SOX6: variants seen among roughly 807,000 people sequenced by gnomAD.
SOX6 encodes the protein SRY-box transcription factor 6.
In SOX6, 11 loss-of-function variants were observed where a neutral mutation model predicts 97.8. That is an observed-to-expected ratio of 0.11 (90% CI 0.07 to 0.19). The LOEUF (loss-of-function observed/expected upper bound fraction) is 0.19. Ranked by LOEUF, SOX6 falls within the 10% of genes least tolerant of loss-of-function variation. SOX6 has a pLI of 1.00. For missense variants in SOX6, 810 were observed against 1,039.5 expected (o/e 0.78, Z 3.04); for synonymous variants, 360 against 371.4 (o/e 0.97, Z 0.35).
intron 4 of SOX6, among the ~76,000 whole-genome samples, chr11:16,554,604 T>C (rs1294258902): frequency 6.6e-6 from 1 of 152,122 alleles, no homozygotes; most frequent in African/African-American, 2.4e-5. Flanking sequence ...TCCCAAAAAT[T>C]ACTCAAAACC....
At chr11:16,318,387 T>A (rs1855813946) in intron 3 of SOX6, 59 bp downstream of exon 3, 12 of 1,537,038 alleles carry the variant, frequency 7.8e-6, no homozygotes, top group Admixed American at 5.1e-5. Context: ...TTTTTTTTTT[T>A]AAGGCCTGGA....
chr11:16,697,099 T>C (rs956053223), intron 3 of SOX6, among the ~76,000 whole-genome samples: 1 of 152,212 alleles, frequency 6.6e-6, no homozygotes, highest in Admixed American at 6.5e-5. Context: ...AGTTGTATTG[T>C]GACACTGTAA....
chr11:16,600,481 T>A (rs551576442), intron 4 of SOX6, among the ~76,000 whole-genome samples: 8 of 152,330 alleles, frequency 5.3e-5, no homozygotes, highest in African/African-American at 1.9e-4. Context: ...ATGTTCCCTT[T>A]TTTAAGACTA....
At chr11:16,466,963 T>C (rs1357241231) in intron 1 of SOX6, among the ~76,000 whole-genome samples, 2 of 132,406 alleles carry the variant, frequency 1.5e-5, no homozygotes, top group African/African-American at 2.9e-5. Context: ...AACAACTCCA[T>C]GAAAAAGTGG....
chr11:16,435,674 C>G (rs1446865129), intron 1 of SOX6, among the ~76,000 whole-genome samples: 1 of 151,926 alleles, frequency 6.6e-6, no homozygotes, highest in Admixed American at 6.6e-5. Context: ...GTTGATGGTA[C>G]TTTGTTACAG....
chr11:16,395,430 A>G (rs58769283), intron 1 of SOX6, among the ~76,000 whole-genome samples: 6,369 of 151,864 alleles, frequency 0.042, 425 homozygotes, highest in African/African-American at 0.14. Flanking sequence ...TCTGATGAAG[A>G]GTGGAAACAG....
At position 16,234,601 on chromosome 11, in the gene SOX6, T is replaced by G. The variant is rs1317627649; in HGVS notation, c.516A>C (p.Glu172Asp). 1 of 1,592,048 alleles carries G rather than the reference T, an allele frequency of 6.3e-7. No individual in the cohort carries two copies. Among genetic ancestry groups the G allele is most frequent in the Non-Finnish European group, 8.6e-7 (1 of 1,163,030 alleles). The change falls in exon 4 of 16, where the codon GAA becomes GAC. Residue 172 changes from glutamate (E) to aspartate (D), a missense_variant. Glu to Asp is a conservative substitution (Grantham distance 45). Around this residue, in one of 9 missense-constraint regions of SOX6, gnomAD observed 110 missense variants for 119.0 expected, o/e 0.92. Coordinates refer to ENST00000683767, the MANE Select transcript of SOX6 (RefSeq NM_001367873.1). Reference sequence around the variant, plus strand: ...TTGTACCTTTAATTTCTCCAAGAAGTTCACTGGTATTTAGTCTTTCCATTT... The same window carrying G: ...TTGTACCTTTAATTTCTCCAAGAAGGTCACTGGTATTTAGTCTTTCCATTT... The part of the protein sequence containing the change: ...KEKMERLNTS[E>D]LLGEIKGTPE...
intron 3 of SOX6, among the ~76,000 whole-genome samples, chr11:16,280,229 T>C (rs1428155543): frequency 1.3e-5 from 2 of 152,122 alleles, no homozygotes; most frequent in East Asian, 1.9e-4. Flanking sequence ...CCAAAAATGA[T>C]ATCAAATTTG....
intron 4 of SOX6, among the ~76,000 whole-genome samples, chr11:16,187,735 G>T (rs146998464): frequency 1.3e-5 from 2 of 152,288 alleles, no homozygotes; most frequent in East Asian, 3.9e-4. Flanking sequence ...AACACTTATG[G>T]TATGCACTAA....
intron 4 of SOX6, among the ~76,000 whole-genome samples, chr11:16,522,248 C>G (rs1416126151): frequency 6.6e-6 from 1 of 152,078 alleles, no homozygotes; most frequent in Non-Finnish European, 1.5e-5. Context: ...GGGTTACCCA[C>G]AAAGGGAAGC....
At chr11:16,187,895 T>C (rs953892985) in intron 4 of SOX6, among the ~76,000 whole-genome samples, 3 of 152,242 alleles carry the variant, frequency 2.0e-5, no homozygotes, top group Admixed American at 6.5e-5. Context: ...GATTTCATTA[T>C]GAAGAAATGA....
chr11:16,329,499 TAAC>T (rs1194755501), intron 2 of SOX6, among the ~76,000 whole-genome samples: 4 of 152,144 alleles, frequency 2.6e-5, no homozygotes, highest in African/African-American at 9.7e-5. Context: ...ATAAAATAGT[TAAC>T]AAAGTACAGG....
At chr11:16,160,987 T>G (rs1431416311) in intron 6 of SOX6, among the ~76,000 whole-genome samples, 1 of 152,176 alleles carries the variant, frequency 6.6e-6, no homozygotes, top group African/African-American at 2.4e-5. Flanking sequence ...ATTTAAATAT[T>G]TGATTGCTTA....
chr11:16,625,064 G>A (rs1180002969), intron 3 of SOX6, among the ~76,000 whole-genome samples: 1 of 152,054 alleles, frequency 6.6e-6, no homozygotes, highest in Non-Finnish European at 1.5e-5. Flanking sequence ...TTTCTCCATG[G>A]CTGTGACTCC....
At chr11:15,978,701 A>G (rs1014739793) in intron 15 of SOX6, among the ~76,000 whole-genome samples, 2 of 148,132 alleles carry the variant, frequency 1.4e-5, no homozygotes, top group Admixed American at 1.4e-4. Context: ...TATCTCCAGT[A>G]AGCCCTTCGC....
At chr11:16,031,104 C>G (rs1855360629) in intron 12 of SOX6, among the ~76,000 whole-genome samples, 1 of 152,150 alleles carries the variant, frequency 6.6e-6, no homozygotes, top group South Asian at 2.1e-4. Flanking sequence ...CATACTGAGA[C>G]TCAGTAAGAT....
rs1246764567 is a variant in SOX6, at chr11:16,668,584, TA to T, written n.429+46245del. 3.9e-5 allele frequency among the ~76,000 whole-genome samples: 6 copies of T among 152,222 alleles called. No individual in the cohort carries two copies. The South Asian group carries it at 1.2e-3, about 32-fold the overall frequency. ...ATAATAATACTGAATGTACATAAAC[TA>T]AACTTTCCAGTCAAAGACACAGAAC... On this transcript the variant is annotated intron_variant and non_coding_transcript_variant, in intron 3 of 5. Transcript: ENST00000524520.
At chr11:16,435,685 C>G (rs1859362129) in intron 1 of SOX6, among the ~76,000 whole-genome samples, 3 of 151,894 alleles carry the variant, frequency 2.0e-5, no homozygotes, top group Admixed American at 1.3e-4. Flanking sequence ...TTTGTTACAG[C>G]AGCAGCAGCA....
chr11:16,390,365 A>T (rs868455293), intron 1 of SOX6, among the ~76,000 whole-genome samples: 3 of 152,054 alleles, frequency 2.0e-5, no homozygotes, highest in Admixed American at 2.0e-4. Context: ...TCTCCTCTCA[A>T]GATTTAGTCT....
Sources: gnomAD v4.1 joint callset for allele counts (sites outside exome capture counted in the v4.1 genomes callset) on GRCh38, gnomAD v4.1.1 for gene constraint, gnomAD v4.1.1 regional missense constraint, MANE v1.5 for transcripts, NCBI Gene and HGNC (gene_info 2026-07-23, HGNC 2026-07-21) for gene names.